Variants in MAJIN observed in about 807,000 individuals in gnomAD.
The protein encoded by MAJIN is membrane-anchored junction protein.
In MAJIN, 27 loss-of-function variants were observed where a neutral mutation model predicts 30.2. The observed-to-expected ratio is 0.89, with a 90% CI of 0.66 to 1.23. The LOEUF (loss-of-function observed/expected upper bound fraction) is 1.23. Among genes scored for constraint, MAJIN ranks in the 50% most tolerant of loss-of-function variants. The pLI is 0.00. For missense variants in MAJIN, 253 were observed against 260.3 expected, an observed-to-expected ratio of 0.97 and a Z score of 0.19; for synonymous variants, 78 against 91.6, an observed-to-expected ratio of 0.85 and a Z score of 0.85.
chr11:64,938,670 T>C, intron 10 of MAJIN, 97 bp from the exon 11 acceptor site: 1 of 1,345,194 alleles, frequency 7.4e-7, no homozygotes, highest in Non-Finnish European at 1.0e-6. Context: ...GCATTTTTGC[T>C]CTGGGGAACC....
chr11:64,948,236 T>C (rs1945481642), intron 6 of MAJIN, among the ~76,000 whole-genome samples: 1 of 151,958 alleles, frequency 6.6e-6, no homozygotes, highest in Non-Finnish European at 1.5e-5. Flanking sequence ...CCCTTCTACC[T>C]GGTACTATTT....
intron 3 of MAJIN, 140 bp from the exon 4 acceptor site, chr11:64,954,942 T>C: frequency 1.3e-6 from 1 of 748,436 alleles, no homozygotes. Flanking sequence ...GACCCAGTGC[T>C]CATGGGGAAG....
chr11:64,961,927 T>G (rs1945733588), intron 1 of MAJIN, among the ~76,000 whole-genome samples: 1 of 152,008 alleles, frequency 6.6e-6, no homozygotes, highest in East Asian at 1.9e-4. Context: ...TAGCTAGGAC[T>G]ACAGATGCAT....
At chr11:64,960,161 GA>G (rs1945700897) in intron 1 of MAJIN, 26 bp from the exon 2 acceptor site, 1 of 151,882 alleles carries the variant, frequency 6.6e-6, no homozygotes, top group African/African-American at 2.4e-5. Context: ...GGGAGAGATG[GA>G]AAAAATAAAA....
chr11:64,966,176 C>T (rs1292848756), intron 1 of MAJIN, among the ~76,000 whole-genome samples: 2 of 120,280 alleles, frequency 1.7e-5, no homozygotes, highest in African/African-American at 3.0e-5. Context: ...GCAGCAGCAG[C>T]AGTAGTTTCA....
At chr11:64,964,533 C>T (rs932200348) in intron 1 of MAJIN, among the ~76,000 whole-genome samples, 1 of 152,080 alleles carries the variant, frequency 6.6e-6, no homozygotes, top group Non-Finnish European at 1.5e-5. Context: ...ACCCTGGTCG[C>T]GCTCACCACT....
chr11:64,951,947 C>T (rs1053568048), intron 4 of MAJIN, among the ~76,000 whole-genome samples: 4 of 151,556 alleles, frequency 2.6e-5, no homozygotes, highest in African/African-American at 4.9e-5. Flanking sequence ...GGAGTGCAGC[C>T]GCACAATCTT....
intron 4 of MAJIN, among the ~76,000 whole-genome samples, chr11:64,951,661 A>G (rs1461634900): frequency 6.7e-6 from 1 of 149,638 alleles, no homozygotes; most frequent in Non-Finnish European, 1.5e-5. Context: ...GCTACTTGTG[A>G]GGCTGAGGTG....
intron 2 of MAJIN, among the ~76,000 whole-genome samples, chr11:64,959,635 A>C (rs1051322035): frequency 6.6e-6 from 1 of 152,192 alleles, no homozygotes; most frequent in African/African-American, 2.4e-5. Flanking sequence ...TGCAGTCAAA[A>C]GCCCAGAATT....
chr11:64,962,782 G>A (rs1471836163), intron 1 of MAJIN, among the ~76,000 whole-genome samples: 2 of 152,096 alleles, frequency 1.3e-5, no homozygotes, highest in Admixed American at 6.6e-5. Context: ...TTATATAAAC[G>A]TTAGCACTTA....
intron 1 of MAJIN, among the ~76,000 whole-genome samples, chr11:64,964,279 A>T (rs1393542554): frequency 6.6e-6 from 1 of 152,140 alleles, no homozygotes; most frequent in Non-Finnish European, 1.5e-5. Flanking sequence ...CTGGTCTCAG[A>T]GGTCTGTCCA....
At chr11:64,958,633 A>G (rs114568664) in intron 3 of MAJIN, among the ~76,000 whole-genome samples, 2,383 of 150,870 alleles carry the variant, frequency 0.016, 77 homozygotes, top group African/African-American at 0.054. Flanking sequence ...AAAAATTGCA[A>G]GGGAGTCGAG....
chr11:64,949,013 C>T (rs1945506712), intron 6 of MAJIN, among the ~76,000 whole-genome samples: 1 of 150,900 alleles, frequency 6.6e-6, no homozygotes, highest in South Asian at 2.1e-4. Flanking sequence ...AACAAAAACA[C>T]CCATGGCCTT....
intron 10 of MAJIN, among the ~76,000 whole-genome samples, chr11:64,939,262 C>T (rs951149714): frequency 3.3e-5 from 5 of 152,100 alleles, no homozygotes; most frequent in African/African-American, 4.8e-5. Flanking sequence ...GCACCATGCC[C>T]GGCTAATTTT....
chr11:64,962,750 C>CTATAA (rs1945746970), intron 1 of MAJIN, among the ~76,000 whole-genome samples: 1 of 152,152 alleles, frequency 6.6e-6, no homozygotes, highest in Non-Finnish European at 1.5e-5. Context: ...CTGTAAGTAG[C>CTATAA]TACTTTGTAA....
At chr11:64,938,660 G>T in intron 10 of MAJIN, 87 bp from the exon 11 acceptor site, 1 of 1,421,810 alleles carries the variant, frequency 7.0e-7, no homozygotes, top group Non-Finnish European at 9.6e-7. Context: ...ACTAGCTAGG[G>T]CATTTTTGCT....
chr11:64,962,586 T>C (rs529721835), intron 1 of MAJIN, among the ~76,000 whole-genome samples: 33 of 152,240 alleles, frequency 2.2e-4, no homozygotes, highest in African/African-American at 7.5e-4. Context: ...AGACATAAGA[T>C]TTGGAATTGG....
At chr11:64,956,716 G>T (rs923392615) in intron 3 of MAJIN, among the ~76,000 whole-genome samples, 26 of 147,196 alleles carry the variant, frequency 1.8e-4, no homozygotes, top group African/African-American at 6.5e-4. Flanking sequence ...ATCTGAGAGG[G>T]CTACTAATAT....
At chr11:64,947,858 CTTTTTTT>C (rs35160886) in intron 6 of MAJIN, 39 bp from the exon 7 acceptor site, 1 of 1,216,256 alleles carries the variant, frequency 8.2e-7, no homozygotes, top group Non-Finnish European at 1.1e-6. Flanking sequence ...AGATTTAAGA[CTTTTTTT>C]TTTTTTTTTT....
Sources: gnomAD v4.1 joint callset for allele counts (sites outside exome capture counted in the v4.1 genomes callset) on GRCh38, gnomAD v4.1.1 for gene constraint, MANE v1.5 for transcripts, NCBI Gene and HGNC (gene_info 2026-07-23, HGNC 2026-07-21) for gene names.